NPAS3: variants seen among roughly 807,000 people sequenced by gnomAD.
NPAS3 encodes the protein neuronal PAS domain protein 3, also known as neuronal PAS domain-containing protein 3.
Under a neutral mutation model 73.1 loss-of-function variants are expected in NPAS3, and 14 were observed. The ratio of observed to expected loss-of-function variants is 0.19; its 90% CI spans 0.13 to 0.30. The LOEUF (loss-of-function observed/expected upper bound fraction) is 0.30. Among genes scored for constraint, NPAS3 ranks in the 10% least tolerant of loss-of-function variants. The pLI, the probability that NPAS3 is intolerant of heterozygous loss-of-function variation, is 1.00. For synonymous variants in NPAS3, 620 were observed against 541.5 expected, an observed-to-expected ratio of 1.14 and a Z score of -2.01; for missense variants, 1,096 against 1,250.0, an observed-to-expected ratio of 0.88 and a Z score of 1.86.
At chr14:33,260,719 A>G (rs74042009) in intron 3 of NPAS3, among the ~76,000 whole-genome samples, 1,563 of 152,256 alleles carry the variant, frequency 0.01, 38 homozygotes, top group African/African-American at 0.036. Flanking sequence ...TGTACAAACC[A>G]AATATCATTC....
intron 1 of NPAS3, among the ~76,000 whole-genome samples, chr14:32,987,911 T>A (rs1485465178): frequency 6.6e-6 from 1 of 152,156 alleles, no homozygotes; most frequent in African/African-American, 2.4e-5. Context: ...AACTAAACAT[T>A]CTGTCATGTT....
intron 3 of NPAS3, among the ~76,000 whole-genome samples, chr14:33,299,202 C>T (rs946086244): frequency 6.6e-6 from 1 of 152,134 alleles, no homozygotes; most frequent in Non-Finnish European, 1.5e-5. Flanking sequence ...CTAATGGTGT[C>T]AGTAGTTTTC....
intron 4 of NPAS3, among the ~76,000 whole-genome samples, chr14:33,415,325 G>T (rs2048102851): frequency 6.6e-6 from 1 of 151,960 alleles, no homozygotes; most frequent in South Asian, 2.1e-4. Context: ...GTATTTTCTA[G>T]CCTTTCAGCC....
At chr14:32,938,460 AGAGAGAGAGAGAGAGAGAGAGAAATT>A (rs1566779097), upstream of NPAS3, among the ~76,000 whole-genome samples, 5 of 93,614 alleles carry the variant, frequency 5.3e-5, no homozygotes, top group African/African-American at 1.4e-4. Context: ...AACGAGAAAG[AGAGAGAGAGAGAGAGAGAGAGAAATT>A]GAGAGAGAGA....
chr14:33,249,222 T>A (rs551713623), intron 3 of NPAS3, among the ~76,000 whole-genome samples: 24 of 152,176 alleles, frequency 1.6e-4, no homozygotes, highest in Non-Finnish European at 3.1e-4. Flanking sequence ...TACTTATTCT[T>A]ACTTTTTGCC....
At chr14:32,953,125 CAA>C (rs1276281544) in intron 1 of NPAS3, among the ~76,000 whole-genome samples, 1 of 129,140 alleles carries the variant, frequency 7.7e-6, no homozygotes, top group African/African-American at 2.9e-5. Flanking sequence ...AAACAACAAC[CAA>C]AAAAAAAGAA....
chr14:32,952,195 A>G (rs1301566149), intron 1 of NPAS3, among the ~76,000 whole-genome samples: 1 of 152,100 alleles, frequency 6.6e-6, no homozygotes, highest in Admixed American at 6.6e-5. Flanking sequence ...TACCGCTGAT[A>G]AAATATTGTT....
chr14:33,517,712 C>A (rs1224475968), intron 4 of NPAS3, among the ~76,000 whole-genome samples: 1 of 152,064 alleles, frequency 6.6e-6, no homozygotes, highest in Non-Finnish European at 1.5e-5. Context: ...GGGCTCAGGT[C>A]TCTTAGCACA....
chr14:33,115,178 G>T (rs1227070413), intron 2 of NPAS3, among the ~76,000 whole-genome samples: 1 of 152,170 alleles, frequency 6.6e-6, no homozygotes, highest in African/African-American at 2.4e-5. Flanking sequence ...TAGGTGGAAG[G>T]TCCTGTAGAC....
At chr14:33,737,850 A>T (rs1033697591) in intron 7 of NPAS3, among the ~76,000 whole-genome samples, 2 of 152,170 alleles carry the variant, frequency 1.3e-5, no homozygotes, top group Non-Finnish European at 2.9e-5. Flanking sequence ...AAACAGTGAT[A>T]ATCATTTCTC....
intron 1 of NPAS3, among the ~76,000 whole-genome samples, chr14:33,046,582 G>A (rs1272263517): frequency 6.6e-6 from 1 of 152,194 alleles, no homozygotes; most frequent in African/African-American, 2.4e-5. Flanking sequence ...GCTTGCAAGT[G>A]GAAGGTGATG....
At chr14:33,582,873 A>G (rs1344568836) in intron 5 of NPAS3, among the ~76,000 whole-genome samples, 1 of 152,120 alleles carries the variant, frequency 6.6e-6, no homozygotes, top group African/African-American at 2.4e-5. Context: ...AAATGTTTGA[A>G]GTAAGAAAGG....
chr14:33,077,316 T>TA (rs770992345), intron 2 of NPAS3, among the ~76,000 whole-genome samples: 1 of 152,138 alleles, frequency 6.6e-6, no homozygotes, highest in Non-Finnish European at 1.5e-5. Context: ...GCTATGTGGA[T>TA]ACCTTGATTT....
intron 4 of NPAS3, among the ~76,000 whole-genome samples, chr14:33,446,642 A>G (rs1184400406): frequency 6.6e-6 from 1 of 152,174 alleles, no homozygotes; most frequent in East Asian, 1.9e-4. Context: ...CCATTGAATC[A>G]TCCTTGGTCT....
At chr14:33,231,392 G>A (rs2047845959) in intron 3 of NPAS3, among the ~76,000 whole-genome samples, 1 of 152,054 alleles carries the variant, frequency 6.6e-6, no homozygotes, top group African/African-American at 2.4e-5. Flanking sequence ...ATAAATTTGG[G>A]CTGTTGATTT....
chr14:33,294,120 T>C (rs906468598), intron 3 of NPAS3, among the ~76,000 whole-genome samples: 3 of 152,174 alleles, frequency 2.0e-5, no homozygotes, highest in African/African-American at 7.2e-5. Context: ...GTAGCTGGGA[T>C]GGTCTATGGA....
At chr14:33,252,047 G>A (rs1566725602) in intron 3 of NPAS3, among the ~76,000 whole-genome samples, 1 of 108,254 alleles carries the variant, frequency 9.2e-6, no homozygotes, top group Non-Finnish European at 1.9e-5. Context: ...GTGTTTGCGT[G>A]TGTGTGTGTC....
intron 4 of NPAS3, among the ~76,000 whole-genome samples, chr14:33,531,682 G>T (rs1274372797): frequency 1.3e-5 from 2 of 152,032 alleles, no homozygotes; most frequent in Non-Finnish European, 2.9e-5. Flanking sequence ...CATTTCCCTA[G>T]GGTAAATACC....
chr14:33,147,597 G>T (rs1301681894), intron 2 of NPAS3, among the ~76,000 whole-genome samples: 1 of 148,934 alleles, frequency 6.7e-6, no homozygotes, highest in Non-Finnish European at 1.5e-5. Flanking sequence ...GTCGGGGGAG[G>T]GATAGCATTA....
Sources: allele counts gnomAD v4.1 joint callset (sites outside exome capture counted in the v4.1 genomes callset), GRCh38; gene constraint gnomAD v4.1.1; transcripts MANE v1.5; gene names NCBI Gene and HGNC (gene_info 2026-07-23, HGNC 2026-07-21).